The following ZEB1 variants were observed in gnomAD, a reference collection of about 807,000 sequenced individuals.
ZEB1 encodes zinc finger E-box-binding homeobox 1.
Under a neutral mutation model 84.9 loss-of-function variants are expected in ZEB1, and 21 were observed. The observed-to-expected ratio is 0.25, with a 90% CI of 0.18 to 0.36. ZEB1 has a LOEUF of 0.36. ZEB1 is among the 10% of genes least tolerant of loss of function. The pLI, the probability that ZEB1 is intolerant of heterozygous loss-of-function variation, is 1.00. For missense variants in ZEB1, 1,104 were observed against 1,330.2 expected, an observed-to-expected ratio of 0.83 and a Z score of 2.65; for synonymous variants, 420 against 471.1, an observed-to-expected ratio of 0.89 and a Z score of 1.41.
At chr10:31,476,207 C>T (rs1271915084) in intron 2 of ZEB1, among the ~76,000 whole-genome samples, 1 of 151,642 alleles carries the variant, frequency 6.6e-6, no homozygotes, top group East Asian at 1.9e-4. Context: ...AATTGGTAGA[C>T]CACTAACTAG....
chr10:31,473,463 C>T (rs1442663016), intron 2 of ZEB1, among the ~76,000 whole-genome samples: 3 of 152,000 alleles, frequency 2.0e-5, no homozygotes, highest in Non-Finnish European at 4.4e-5. Flanking sequence ...TTCACAATTG[C>T]TTCAAACAGA....
intron 1 of ZEB1, among the ~76,000 whole-genome samples, chr10:31,420,738 G>C (rs949556014): frequency 6.6e-6 from 1 of 152,124 alleles, no homozygotes; most frequent in Non-Finnish European, 1.5e-5. Context: ...AGAAGACCAT[G>C]GATCATTGGA....
At chr10:31,475,937 ATAT>A (rs1222797993) in intron 2 of ZEB1, among the ~76,000 whole-genome samples, 1 of 152,148 alleles carries the variant, frequency 6.6e-6, no homozygotes, top group African/African-American at 2.4e-5. Flanking sequence ...ACACATATTA[ATAT>A]TAACCTTGAA....
At chr10:31,326,229 C>G (rs546187527) in intron 1 of ZEB1, among the ~76,000 whole-genome samples, 4 of 152,024 alleles carry the variant, frequency 2.6e-5, no homozygotes, top group Non-Finnish European at 5.9e-5. Context: ...TGAAATCCTT[C>G]AAGGAGTAGA....
Position 31,527,099 on chromosome 10 carries a change from A to G in ZEB1, c.3213A>G (p.Glu1071=), listed in dbSNP as rs577934227. 14 of 1,597,010 alleles carry G rather than the reference A, an allele frequency of 8.8e-6. No individual in the cohort carries two copies. Among genetic ancestry groups the G allele is most frequent in the African/African-American group, 8.1e-5 (6 of 74,220 alleles). The change falls in exon 9 of 9, where the codon GAA becomes GAG. Residue 1071 remains glutamate, a synonymous_variant. Transcript: ENST00000424869. ...QGDEEEEEEE[E]EVEEEEVEEA... is the part of the protein sequence containing the mutation. ...ATGAGGAAGAGGAGGAGGAGGAGGA[A>G]GAAGTGGAAGAAGAAGAGGTAGAAG...
Position 31,371,840 on chromosome 10 carries a change from A to G in ZEB1, c.58+52548A>G, listed in dbSNP as rs150216637. Among the ~76,000 whole-genome samples the G allele has an allele frequency of 9.2e-5, 14 of 152,320 alleles. No homozygotes were observed. The East Asian group carries it at 2.7e-3, about 29-fold the overall frequency. ...AACTGAGGGTCAGTGTTATTAACTC[A>G]AAGACATAGCAGTTTTATTAAGCTC... On this transcript the variant is annotated intron_variant, in intron 1 of 8. Transcript: ENST00000424869.
At chr10:31,450,190 T>C (rs918775401) in intron 1 of ZEB1, among the ~76,000 whole-genome samples, 1 of 152,256 alleles carries the variant, frequency 6.6e-6, no homozygotes, top group African/African-American at 2.4e-5. Context: ...AAAATCATTC[T>C]ATTCAAAACC....
rs567953274 is a variant in ZEB1, at chr10:31,410,193, A to G, written c.59-50844A>G. The stretch of plus-strand genomic sequence containing the variant: ...TTTGAGTTACGTTCCATCAATACCT[A>G]GTTCCTGGAGAGTTTTTGGCATGAA... On this transcript the variant is annotated intron_variant, in intron 1 of 8. Transcript: ENST00000424869. Among the ~76,000 whole-genome samples the G allele has an allele frequency of 1.8e-4, 27 of 152,250 alleles. No homozygotes were observed. The South Asian group carries it at 1.9e-3, about 11-fold the overall frequency.
In ZEB1 at chr10:31,345,920, G is replaced by C. The variant is rs546693113; in HGVS notation, c.58+26628G>C. Among the ~76,000 whole-genome samples the C allele has an allele frequency of 2.4e-4, 37 of 152,258 alleles. No homozygotes were observed. The South Asian group carries it at 7.0e-3, about 29-fold the overall frequency. Reference sequence around the variant, plus strand: ...GAAAAAGATTTTTAAAAGTCTCAGAGAAAATGAAATATAGATTCTTAAAGT... The same window carrying C: ...GAAAAAGATTTTTAAAAGTCTCAGACAAAATGAAATATAGATTCTTAAAGT... On this transcript the variant is annotated intron_variant, in intron 1 of 8. Transcript: ENST00000424869.
intron 7 of ZEB1, among the ~76,000 whole-genome samples, chr10:31,522,885 A>G (rs962602381): frequency 6.6e-6 from 1 of 152,240 alleles, no homozygotes; most frequent in Non-Finnish European, 1.5e-5. Flanking sequence ...CTCTTGAAAA[A>G]AAGTTCTTAC....
chr10:31,340,325 AACTT>A (rs2039107657), intron 1 of ZEB1, among the ~76,000 whole-genome samples: 1 of 152,202 alleles, frequency 6.6e-6, no homozygotes, highest in Non-Finnish European at 1.5e-5. Flanking sequence ...ATGAATTACT[AACTT>A]ACTTTTTTAG....
chr10:31,374,763 A>T (rs1239143119), intron 1 of ZEB1: 1 of 151,852 alleles, frequency 6.6e-6, no homozygotes, highest in Non-Finnish European at 1.5e-5. Context: ...TTCTAACCAT[A>T]GAGAAATACA....
At chr10:31,449,508 G>A (rs539034204) in intron 1 of ZEB1, among the ~76,000 whole-genome samples, 20 of 152,136 alleles carry the variant, frequency 1.3e-4, no homozygotes, top group African/African-American at 4.6e-4. Context: ...GATTTCGTGT[G>A]GGTTTCATTT....
intron 1 of ZEB1, chr10:31,360,816 A>G (rs1183733097): frequency 2.9e-6 from 2 of 685,736 alleles, no homozygotes; most frequent in Admixed American, 2.4e-5. Context: ...ATACACTTAA[A>G]GTAAAATCTC....
chr10:31,481,278 T>A (rs1247474461), intron 2 of ZEB1, among the ~76,000 whole-genome samples: 1 of 152,010 alleles, frequency 6.6e-6, no homozygotes, highest in Non-Finnish European at 1.5e-5. Flanking sequence ...TATGAAAATA[T>A]AGATGGGGTA....
At position 31,521,015 on chromosome 10, in the gene ZEB1, A is replaced by G; in HGVS notation, c.1683A>G (p.Pro561=). 6.2e-7 allele frequency: 1 copy of G among 1,613,800 alleles called. No individual in the cohort carries two copies. The highest frequency in any genetic ancestry group is 8.5e-7 in the Non-Finnish European group (1 of 1,179,946). Residue 561 remains proline (P), a synonymous_variant, in exon 7 of 9, where the codon CCA becomes CCG. Transcript: ENST00000424869. Reference sequence around the variant, plus strand: ...TAAAGCAGCCTACTCAGCCTCCTCCACTCCCTGCAGCAGAAGCTGAGAAGC... The same window carrying G: ...TAAAGCAGCCTACTCAGCCTCCTCCGCTCCCTGCAGCAGAAGCTGAGAAGC... The part of the protein sequence containing the change: ...YDLKQPTQPP[P]LPAAEAEKPE...
At chr10:31,441,604 A>G (rs1210540369) in intron 1 of ZEB1, among the ~76,000 whole-genome samples, 2 of 152,188 alleles carry the variant, frequency 1.3e-5, no homozygotes, top group Non-Finnish European at 2.9e-5. Flanking sequence ...AGAAACTACC[A>G]TCAGAGTGAA....
chr10:31,457,490 T>C (rs1242477882), intron 1 of ZEB1, among the ~76,000 whole-genome samples: 1 of 152,170 alleles, frequency 6.6e-6, no homozygotes, highest in African/African-American at 2.4e-5. Flanking sequence ...TTTTTTTCCA[T>C]CTCAGCAGAT....
intron 1 of ZEB1, among the ~76,000 whole-genome samples, chr10:31,443,790 C>A (rs374663710): frequency 0.07 from 10,167 of 144,850 alleles, 1,190 homozygotes; most frequent in African/African-American, 0.25. Context: ...TATGTGCCAC[C>A]TTTTCTTAAT....
Sources: gnomAD v4.1 joint callset for allele counts (sites outside exome capture counted in the v4.1 genomes callset) on GRCh38, gnomAD v4.1.1 for gene constraint, MANE v1.5 for transcripts, NCBI Gene and HGNC (gene_info 2026-07-23, HGNC 2026-07-21) for gene names.